The following FAF2 variants were observed in gnomAD, a reference collection of about 807,000 sequenced individuals.
FAF2 encodes the protein FAS-associated factor 2.
In FAF2, 9 loss-of-function variants were observed where a neutral mutation model predicts 62.3. That is an observed-to-expected ratio of 0.14 (90% CI 0.09 to 0.25). The LOEUF (loss-of-function observed/expected upper bound fraction) is 0.25, where lower values mean the gene tolerates loss of function less well. FAF2 is among the 10% of genes least tolerant of loss of function. The pLI is 1.00. For missense variants in FAF2, 368 were observed against 556.2 expected, an observed-to-expected ratio of 0.66 and a Z score of 3.40; for synonymous variants, 202 against 198.0, an observed-to-expected ratio of 1.02 and a Z score of -0.17.
intron 1 of FAF2, among the ~76,000 whole-genome samples, chr5:176,470,838 A>G (rs1470386959): frequency 3.3e-5 from 5 of 152,238 alleles, no homozygotes; most frequent in East Asian, 1.9e-4. Context: ...ATGTGATGAA[A>G]TAGTGTTTTT....
At position 176,508,248 on chromosome 5, in the gene FAF2, T is replaced by G. The variant is rs1321284977; in HGVS notation, c.*1298T>G. On this transcript the variant is annotated 3_prime_UTR_variant, in exon 11 of 11. Coordinates refer to ENST00000261942, the MANE Select transcript of FAF2 (RefSeq NM_014613.3). ...TCGTCTGTGGTTGAGTTTATGGTAA[T>G]GGGTACATGGGTCAGGCCATGTATT... 6.6e-6 allele frequency: 1 copy of G among 152,146 alleles called. No individual in the cohort carries two copies. Among genetic ancestry groups the G allele is most frequent in the African/African-American group, 2.4e-5 (1 of 41,418 alleles). The allele number at this position is 152,146 out of a possible 1,614,324, so 9.4% of individuals were successfully genotyped here.
At position 176,496,490 on chromosome 5, in the gene FAF2, A is replaced by G; in HGVS notation, c.666A>G (p.Ser222=). 1.9e-6 allele frequency: 3 copies of G among 1,588,758 alleles called. No individual in the cohort carries two copies. The highest frequency in any genetic ancestry group is 2.6e-6 in the Non-Finnish European group (3 of 1,169,084). ...TCTGTTGGGTCTTTTTATCAGTCTC[A>G]CAGGCTTTACGAGAGAACACCTATC... is the stretch of plus-strand genomic sequence containing the variant. ...STNKPEGYRV[S]QALRENTYPF... is the part of the protein sequence containing the mutation. Residue 222 remains serine (S), a synonymous_variant, in exon 8 of 11, where the codon TCA becomes TCG. Transcript: ENST00000261942.
rs758699314 is a variant in FAF2 at position 176,486,369 on chromosome 5, C to T, written c.147C>T (p.Asp49=). 156 of 1,614,034 alleles carry T rather than the reference C, an allele frequency of 9.7e-5. No individual in the cohort carries two copies. Among genetic ancestry groups the T allele is most frequent in the Non-Finnish European group, 1.2e-4 (146 of 1,180,026 alleles). ...HNWNIEAAVQ[D]RLNEQEGVPS... is the part of the protein sequence containing the mutation. ...TTCCTTCTCAGGCTGCTGTACAGGA[C>T]AGATTGAATGAGCAAGAGGGCGTAC... The change falls in exon 3 of 11, where the codon GAC becomes GAT. Residue 49 remains aspartate, a synonymous_variant. Coordinates refer to ENST00000261942, the MANE Select transcript of FAF2 (RefSeq NM_014613.3).
intron 2 of FAF2, among the ~76,000 whole-genome samples, chr5:176,480,927 C>T (rs889560850): frequency 3.3e-5 from 5 of 151,636 alleles, no homozygotes; most frequent in South Asian, 2.1e-4. Flanking sequence ...CTGCACATTC[C>T]GTACATGTAT....
chr5:176,454,222 G>A (rs574017153), intron 1 of FAF2, among the ~76,000 whole-genome samples: 30 of 151,474 alleles, frequency 2.0e-4, no homozygotes, highest in Admixed American at 1.1e-3. Flanking sequence ...GTGAAACCCC[G>A]TATCTACTGA....
Position 176,454,945 on chromosome 5 carries a change from G to A in FAF2, c.63+6475G>A, listed in dbSNP as rs12659687. The stretch of plus-strand genomic sequence containing the variant: ...TATATTTGCTCCCAAACTAGTGTGT[G>A]CTGGTTATGTTTGTCACATGTGTTT... On this transcript the variant is annotated intron_variant, in intron 1 of 10. Transcript: ENST00000261942. 3.7e-4 allele frequency among the ~76,000 whole-genome samples: 57 copies of A among 152,274 alleles called. 2 individuals carry two copies. The East Asian group carries it at 0.01, about 28-fold the overall frequency.
At chr5:176,496,416 G>T in intron 7 of FAF2, 70 bp from the exon 8 acceptor site, 1 of 1,258,666 alleles carries the variant, frequency 7.9e-7, no homozygotes, top group Non-Finnish European at 1.1e-6. Context: ...CTCACTCATT[G>T]TGGAAAGTCT....
chr5:176,507,180 C>T lies in FAF2; in HGVS notation c.*230C>T. On this transcript the variant is annotated 3_prime_UTR_variant, in exon 11 of 11. Coordinates refer to ENST00000261942, the MANE Select transcript of FAF2 (RefSeq NM_014613.3). ...GCGCGCAAGGTTAGCAACAAACGTA[C>T]CCGCTTGGCAAGCCCACCCTTCCTG... The T allele has an allele frequency of 2.7e-6, 1 of 364,680 alleles. No individual in the cohort carries two copies. Among genetic ancestry groups the T allele is most frequent in the Non-Finnish European group, 5.3e-6 (1 of 188,202 alleles). The allele number at this position is 364,680 out of a possible 1,614,324, so 22.6% of individuals were successfully genotyped here.
intron 1 of FAF2, among the ~76,000 whole-genome samples, chr5:176,451,361 ACT>A (rs1422656242): frequency 1.3e-5 from 2 of 151,844 alleles, no homozygotes; most frequent in Non-Finnish European, 2.9e-5. Context: ...ACAGAGCGGG[ACT>A]CTGTCTCAAA....
intron 2 of FAF2, among the ~76,000 whole-genome samples, chr5:176,482,120 A>G (rs936910608): frequency 6.6e-6 from 1 of 151,696 alleles, no homozygotes; most frequent in African/African-American, 2.4e-5. Flanking sequence ...ATTTTTTCAT[A>G]TTCTTATTGA....
chr5:176,457,219 C>T (rs1405006849), intron 1 of FAF2, among the ~76,000 whole-genome samples: 4 of 152,014 alleles, frequency 2.6e-5, no homozygotes, highest in Non-Finnish European at 4.4e-5. Flanking sequence ...GACGGAGTTT[C>T]GCTGTTGTCC....
At chr5:176,451,601 A>T (rs1011164488) in intron 1 of FAF2, among the ~76,000 whole-genome samples, 2 of 150,646 alleles carry the variant, frequency 1.3e-5, no homozygotes, top group African/African-American at 4.9e-5. Flanking sequence ...AGGTTCTGAG[A>T]GGTCAAATAG....
intron 1 of FAF2, among the ~76,000 whole-genome samples, chr5:176,471,523 C>T (rs1398267437): frequency 6.6e-6 from 1 of 151,624 alleles, no homozygotes. Flanking sequence ...GCTGGGATTA[C>T]AGGTGCCCAC....
At chr5:176,458,006 A>G (rs76828196) in intron 1 of FAF2, among the ~76,000 whole-genome samples, 2,614 of 152,292 alleles carry the variant, frequency 0.017, 67 homozygotes, top group African/African-American at 0.06. Context: ...GCCCACATTT[A>G]AAGTCTTCTC....
At chr5:176,480,865 G>A (rs1390482933) in intron 2 of FAF2, among the ~76,000 whole-genome samples, 5 of 151,762 alleles carry the variant, frequency 3.3e-5, no homozygotes. Context: ...GTAGATGACG[G>A]GTTGATGGGT....
rs183240525 is a variant in FAF2 at position 176,480,596 on chromosome 5, G to T, written c.132+1340G>T. Among the ~76,000 whole-genome samples the T allele has an allele frequency of 2.7e-3, 413 of 151,780 alleles. 4 individuals carry two copies. The highest frequency in any genetic ancestry group is 9.8e-3 in the African/African-American group (404 of 41,348). Reference sequence around the variant, plus strand: ...CCCAGCTGATTTTTAATTTTTTTGTGGAGACGAGGTCTTGCTGTGTTGCCC... The same window carrying T: ...CCCAGCTGATTTTTAATTTTTTTGTTGAGACGAGGTCTTGCTGTGTTGCCC... On this transcript the variant is annotated intron_variant, in intron 2 of 10. Transcript: ENST00000261942.
At chr5:176,472,293 C>T (rs1439222295) in intron 1 of FAF2, among the ~76,000 whole-genome samples, 2 of 151,962 alleles carry the variant, frequency 1.3e-5, no homozygotes, top group Non-Finnish European at 2.9e-5. Context: ...ATCACAGGCG[C>T]ACACCACCGT....
intron 10 of FAF2, among the ~76,000 whole-genome samples, chr5:176,505,880 G>C (rs1052581633): frequency 1.3e-5 from 2 of 152,008 alleles, no homozygotes; most frequent in African/African-American, 2.4e-5. Flanking sequence ...CTTAAAACTG[G>C]ATCCTTGGCT....
At chr5:176,488,632 A>G (rs992103902) in intron 3 of FAF2, among the ~76,000 whole-genome samples, 10 of 152,086 alleles carry the variant, frequency 6.6e-5, no homozygotes, top group Admixed American at 6.6e-4. Flanking sequence ...CGTGTTGGCC[A>G]GGCTGGTCTC....
Sources: allele counts gnomAD v4.1 joint callset (sites outside exome capture counted in the v4.1 genomes callset), GRCh38; gene constraint gnomAD v4.1.1; transcripts MANE v1.5; gene names NCBI Gene and HGNC (gene_info 2026-07-23, HGNC 2026-07-21).